The following CDK14 variants were observed in gnomAD, a reference collection of about 807,000 sequenced individuals.
CDK14 encodes cyclin-dependent kinase 14.
CDK14 carries 34 observed loss-of-function variants against 60.7 expected under a neutral mutation model. The ratio of observed to expected loss-of-function variants is 0.56; its 90% CI spans 0.43 to 0.75. CDK14 has a LOEUF of 0.75. Among genes scored for constraint, CDK14 ranks in the 30% least tolerant of loss-of-function variants. The pLI, the probability that CDK14 is intolerant of heterozygous loss-of-function variation, is 0.00. For missense variants in CDK14, 482 were observed against 564.1 expected, an observed-to-expected ratio of 0.85 and a Z score of 1.47; for synonymous variants, 197 against 203.7, an observed-to-expected ratio of 0.97 and a Z score of 0.28.
At chr7:90,677,696 GC>G (rs11356019) in intron 2 of CDK14, among the ~76,000 whole-genome samples, 60,068 of 151,806 alleles carry the variant, frequency 0.4, 12,432 homozygotes, top group East Asian at 0.67. Flanking sequence ...TACCAGCTGT[GC>G]CCGATGCATT....
intron 3 of CDK14, among the ~76,000 whole-genome samples, chr7:90,734,599 T>A (rs541827184): frequency 2.0e-5 from 3 of 152,298 alleles, no homozygotes; most frequent in Non-Finnish European, 2.9e-5. Flanking sequence ...CCTTGATCGA[T>A]TCAGCTATTG....
At chr7:90,802,601 A>G (rs551624452) in intron 5 of CDK14, among the ~76,000 whole-genome samples, 2 of 152,260 alleles carry the variant, frequency 1.3e-5, no homozygotes, top group Admixed American at 1.3e-4. Context: ...ATTCTCATCT[A>G]AGTGTATGAT....
intron 2 of CDK14, among the ~76,000 whole-genome samples, chr7:90,628,207 T>C (rs1375829932): frequency 2.0e-5 from 3 of 152,202 alleles, no homozygotes; most frequent in African/African-American, 7.2e-5. Flanking sequence ...TCTACCTGCC[T>C]TAGCCTCCCA....
chr7:90,978,957 G>T (rs1795150761), intron 9 of CDK14, among the ~76,000 whole-genome samples: 1 of 151,642 alleles, frequency 6.6e-6, no homozygotes. Flanking sequence ...TTCTATTATT[G>T]TGTTTTTTTG....
At chr7:91,047,053 A>G (rs1437508050) in intron 11 of CDK14, among the ~76,000 whole-genome samples, 1 of 152,192 alleles carries the variant, frequency 6.6e-6, no homozygotes, top group Non-Finnish European at 1.5e-5. Flanking sequence ...GTTCTGAAAG[A>G]CTATAGAAAC....
intron 3 of CDK14, among the ~76,000 whole-genome samples, chr7:90,729,001 A>T (rs564136010): frequency 6.6e-6 from 1 of 151,720 alleles, no homozygotes; most frequent in Non-Finnish European, 1.5e-5. Flanking sequence ...GAAGGGACTG[A>T]GGACCCTTCA....
At chr7:91,031,941 C>T (rs960403593) in intron 10 of CDK14, among the ~76,000 whole-genome samples, 1 of 152,194 alleles carries the variant, frequency 6.6e-6, no homozygotes, top group Non-Finnish European at 1.5e-5. Context: ...GTTGAGCACT[C>T]ACCTTCCGTC....
intron 3 of CDK14, among the ~76,000 whole-genome samples, chr7:90,744,018 ATTAT>A (rs1302286886): frequency 1.3e-5 from 2 of 150,090 alleles, no homozygotes; most frequent in Non-Finnish European, 3.0e-5. Context: ...TTTTTTTTAA[ATTAT>A]TTATTTTTAT....
At chr7:91,089,959 C>G (rs933399536) in intron 12 of CDK14, among the ~76,000 whole-genome samples, 1 of 152,122 alleles carries the variant, frequency 6.6e-6, no homozygotes, top group South Asian at 2.1e-4. Flanking sequence ...ATTTGGTAGT[C>G]AAGTGGGACT....
chr7:90,959,648 A>C (rs1318934511), intron 9 of CDK14, among the ~76,000 whole-genome samples: 1 of 152,106 alleles, frequency 6.6e-6, no homozygotes, highest in Non-Finnish European at 1.5e-5. Flanking sequence ...ACAGTGTTAC[A>C]TTTTCCAGTT....
chr7:91,035,118 T>C (rs1249332897), intron 10 of CDK14, among the ~76,000 whole-genome samples: 3 of 152,200 alleles, frequency 2.0e-5, no homozygotes, highest in Admixed American at 6.5e-5. Context: ...CTCCTTCATC[T>C]AATTATACCC....
At chr7:91,129,035 C>T (rs1800040210) in intron 14 of CDK14, among the ~76,000 whole-genome samples, 1 of 152,106 alleles carries the variant, frequency 6.6e-6, no homozygotes, top group Non-Finnish European at 1.5e-5. Context: ...GAGAAGGTCC[C>T]TGGATACTAA....
chr7:91,209,250 T>C lies in CDK14; in HGVS notation c.*2114T>C, dbSNP rs188648356. On this transcript the variant is annotated 3_prime_UTR_variant, in exon 15 of 15. Coordinates refer to ENST00000380050, the MANE Select transcript of CDK14 (RefSeq NM_001287135.2). ...CTATTAGAGTTATATCTCCCTGTCG[T>C]AGGCAGCTTCTTCGGAGAAGTGAAA... The C allele has an allele frequency of 2.0e-5, 3 of 152,322 alleles. No individual in the cohort carries two copies. In the East Asian group the frequency reaches 5.8e-4, roughly 29 times the overall value. The allele number at this position is 152,322 out of a possible 1,614,324, so 9.4% of individuals were successfully genotyped here. A position where few individuals can be genotyped will look rare whatever the true frequency, so the allele number is the denominator to read the frequency against.
At chr7:90,674,223 T>A (rs954214127) in intron 2 of CDK14, among the ~76,000 whole-genome samples, 2 of 152,216 alleles carry the variant, frequency 1.3e-5, no homozygotes, top group African/African-American at 2.4e-5. Flanking sequence ...AAATGCAGCC[T>A]TTGAAGCACA....
At chr7:90,846,077 C>T (rs1790462373) in intron 5 of CDK14, among the ~76,000 whole-genome samples, 1 of 152,064 alleles carries the variant, frequency 6.6e-6, no homozygotes, top group Admixed American at 6.6e-5. Flanking sequence ...CCAACTTTGT[C>T]CCCATTACTT....
intron 12 of CDK14, among the ~76,000 whole-genome samples, chr7:91,104,611 C>T (rs975016238): frequency 4.6e-5 from 7 of 152,164 alleles, no homozygotes; most frequent in Admixed American, 2.0e-4. Context: ...TCTCACCCTC[C>T]CTCCAGCCTA....
chr7:91,052,480 A>G (rs774498621), intron 11 of CDK14, among the ~76,000 whole-genome samples: 1 of 152,254 alleles, frequency 6.6e-6, no homozygotes, highest in Admixed American at 6.5e-5. Context: ...TTGGTAAAAT[A>G]TCTACACAAA....
chr7:90,959,228 C>T (rs1036585152), intron 9 of CDK14, among the ~76,000 whole-genome samples: 1 of 152,106 alleles, frequency 6.6e-6, no homozygotes, highest in Admixed American at 6.6e-5. Flanking sequence ...ATTGCCAGAA[C>T]CAAATAGCAA....
chr7:90,726,456 G>T, intron 2 of CDK14, 111 bp from the exon 3 acceptor site: 1 of 1,291,796 alleles, frequency 7.7e-7, no homozygotes, highest in Non-Finnish European at 1.1e-6. Flanking sequence ...TGGGCTTTTT[G>T]GGTATTTCCT....
Sources: gnomAD v4.1 joint callset for allele counts (sites outside exome capture counted in the v4.1 genomes callset) on GRCh38, gnomAD v4.1.1 for gene constraint, MANE v1.5 for transcripts, NCBI Gene and HGNC (gene_info 2026-07-23, HGNC 2026-07-21) for gene names.